ENG: variants seen among roughly 807,000 people sequenced by gnomAD.
ENG encodes the protein endoglin.
Under a neutral mutation model 71.0 loss-of-function variants are expected in ENG, and 17 were observed. The observed-to-expected ratio is 0.24, with a 90% CI of 0.16 to 0.36. ENG has a LOEUF of 0.36. ENG is among the 10% of genes least tolerant of loss of function. The pLI, the probability that ENG is intolerant of heterozygous loss-of-function variation, is 1.00. For missense variants in ENG, 749 were observed against 868.3 expected, an observed-to-expected ratio of 0.86 and a Z score of 1.73; for synonymous variants, 360 against 366.9, an observed-to-expected ratio of 0.98 and a Z score of 0.21.
intron 1 of ENG, among the ~76,000 whole-genome samples, chr9:127,844,910 C>A (rs939453421): frequency 6.6e-6 from 1 of 152,148 alleles, no homozygotes. Context: ...AGGGACAGGG[C>A]GAGCCGAGAA....
At chr9:127,841,521 C>T (rs1831032219) in intron 2 of ENG, among the ~76,000 whole-genome samples, 1 of 152,082 alleles carries the variant, frequency 6.6e-6, no homozygotes, top group Admixed American at 6.5e-5. Flanking sequence ...CCTATGGAAA[C>T]CACACAAAGT....
chr9:127,818,844 CGGGA>C lies in ENG; in HGVS notation c.1312-16_1312-13del, dbSNP rs1276298912. ...CAGTGCACCTTTTTCTGGGGGAGGA[CGGGA>C]GGGAGACTTGGTCAATCTGGCGGCG... On this transcript the variant is annotated splice_polypyrimidine_tract_variant and intron_variant, in intron 10 of 14. Coordinates refer to ENST00000373203, the MANE Select transcript of ENG (RefSeq NM_001114753.3). 20 of 1,611,922 alleles carry C rather than the reference CGGGA, an allele frequency of 1.2e-5. No individual in the cohort carries two copies. Among genetic ancestry groups the C allele is most frequent in the Admixed American group, 1.0e-4 (6 of 59,922 alleles).
chr9:127,818,973 T>G, intron 10 of ENG, 141 bp from the exon 11 acceptor site: 1 of 735,082 alleles, frequency 1.4e-6, no homozygotes, highest in Non-Finnish European at 2.4e-6. Context: ...AGTCTCGCTC[T>G]GTCGCCCAGG....
At chr9:127,839,855 C>A (rs1010555277) in intron 2 of ENG, among the ~76,000 whole-genome samples, 2 of 152,224 alleles carry the variant, frequency 1.3e-5, no homozygotes, top group African/African-American at 4.8e-5. Flanking sequence ...TGCGCCTGAC[C>A]TGCCCCATTG....
In ENG at chr9:127,835,460, T is replaced by C. The variant is rs1048831135; in HGVS notation, c.220-5633A>G. Among the ~76,000 whole-genome samples the C allele has an allele frequency of 3.9e-5, 6 of 152,138 alleles. 1 individual carries two copies. The South Asian group carries it at 6.2e-4, about 16-fold the overall frequency. On this transcript the variant is annotated intron_variant, in intron 2 of 14. Transcript: ENST00000373203. ...CTTGTCCCAACCTGGAGGAAAGAAT[T>C]GCAAGGCCCACACGATGAAGAGATG...
intron 5 of ENG, 102 bp downstream of exon 5, chr9:127,825,593 C>G (rs1588582398): frequency 4.5e-6 from 5 of 1,107,250 alleles, no homozygotes; most frequent in South Asian, 1.6e-5. Flanking sequence ...GGGGCTGGGA[C>G]TGGGGTGGGG....
chr9:127,826,904 T>C, intron 3 of ENG: 1 of 552,004 alleles, frequency 1.8e-6, no homozygotes, highest in Non-Finnish European at 3.3e-6. Context: ...ACCTTGTTCA[T>C]CCACCTGTCC....
At chr9:127,830,915 G>T (rs1013372972) in intron 2 of ENG, among the ~76,000 whole-genome samples, 7 of 151,972 alleles carry the variant, frequency 4.6e-5, no homozygotes, top group African/African-American at 4.8e-5. Flanking sequence ...ATCCTGGGGG[G>T]TTGTTTTGGT....
chr9:127,825,054 C>A, intron 6 of ENG, 80 bp from the exon 7 acceptor site: 2 of 1,587,372 alleles, frequency 1.3e-6, no homozygotes, highest in Admixed American at 1.7e-5. Context: ...TTATGCCAGG[C>A]CTCGGTCCTG....
intron 8 of ENG, among the ~76,000 whole-genome samples, chr9:127,822,696 A>G (rs1403882022): frequency 6.6e-6 from 1 of 152,228 alleles, no homozygotes; most frequent in Non-Finnish European, 1.5e-5. Context: ...GTAAGAGACA[A>G]ATGAACACAT....
At chr9:127,854,121 C>T (rs957485575) in intron 1 of ENG, among the ~76,000 whole-genome samples, 168 bp downstream of exon 1, 1 of 152,238 alleles carries the variant, frequency 6.6e-6, no homozygotes, top group Non-Finnish European at 1.5e-5. Context: ...GAAAGTCCTG[C>T]ATAACCATTT....
At chr9:127,849,350 T>C (rs1399581651) in intron 1 of ENG, among the ~76,000 whole-genome samples, 2 of 152,202 alleles carry the variant, frequency 1.3e-5, no homozygotes, top group African/African-American at 4.8e-5. Flanking sequence ...AAATTTATGT[T>C]CAAGTGCTAT....
chr9:127,830,176 T>A (rs908621200), intron 2 of ENG, among the ~76,000 whole-genome samples: 1 of 150,900 alleles, frequency 6.6e-6, no homozygotes, highest in Non-Finnish European at 1.5e-5. Context: ...ACCCCATCTG[T>A]ACTAAAAATA....
chr9:127,848,638 C>A (rs1831227279), intron 1 of ENG, among the ~76,000 whole-genome samples: 1 of 152,170 alleles, frequency 6.6e-6, no homozygotes, highest in African/African-American at 2.4e-5. Context: ...CTCACTGAAG[C>A]CAGTCCCTCC....
At chr9:127,842,225 CTTTTTTT>C (rs58446681) in intron 2 of ENG, among the ~76,000 whole-genome samples, 3 of 116,004 alleles carry the variant, frequency 2.6e-5, no homozygotes, top group Admixed American at 8.9e-5. Context: ...TTTTTCTTTT[CTTTTTTT>C]TTTTTTTTTT....
At chr9:127,818,489 G>A in intron 11 of ENG, 112 bp from the exon 12 acceptor site, 1 of 1,553,278 alleles carries the variant, frequency 6.4e-7, no homozygotes, top group African/African-American at 1.4e-5. Context: ...AGTCCTCACA[G>A]TGGAAAGAAA....
At chr9:127,829,183 C>T (rs1301964870) in intron 3 of ENG, among the ~76,000 whole-genome samples, 2 of 152,148 alleles carry the variant, frequency 1.3e-5, no homozygotes, top group Admixed American at 1.3e-4. Context: ...AGGCCAAATC[C>T]ATTTAGAGCA....
In ENG at chr9:127,824,391, A is replaced by G. The variant is rs1554810058; in HGVS notation, c.1047T>C (p.Thr349=). ...AGGACATGAGCAGCTCCGGGCTACA[A>G]GTGTCCTTGGGAGGAGTGGTCTGGA... ...APIQTTPPKD[T]CSPELLMSLI... The change falls in exon 8 of 15, where the codon ACT becomes ACC. Residue 349 remains threonine, a synonymous_variant. Transcript: ENST00000373203. The G allele has an allele frequency of 3.7e-6, 6 of 1,614,034 alleles. No individual in the cohort carries two copies. The highest frequency in any genetic ancestry group is 1.1e-5 in the South Asian group (1 of 91,074).
chr9:127,833,337 C>T (rs570515599), intron 2 of ENG, among the ~76,000 whole-genome samples: 41 of 151,956 alleles, frequency 2.7e-4, no homozygotes, highest in Admixed American at 6.6e-4. Flanking sequence ...ACCTGACCAA[C>T]GTGGAGAAAC....
Sources: gnomAD v4.1 joint callset for allele counts (sites outside exome capture counted in the v4.1 genomes callset) on GRCh38, gnomAD v4.1.1 for gene constraint, MANE v1.5 for transcripts, NCBI Gene and HGNC (gene_info 2026-07-23, HGNC 2026-07-21) for gene names.